FOCAD: variants seen among roughly 807,000 people sequenced by gnomAD.
FOCAD encodes the protein focadhesin, also known as KIAA1797.
A neutral mutation model predicts 225.6 loss-of-function variants in FOCAD; 198 were observed. That is an observed-to-expected ratio of 0.88 (90% confidence interval 0.78 to 0.99). The LOEUF is 0.99. Ranked by LOEUF, FOCAD falls within the 50% of genes least tolerant of loss-of-function variation. FOCAD has a pLI of 0.00. For synonymous variants in FOCAD, 897 were observed against 755.0 expected (o/e 1.19, Z -3.08); for missense variants, 2,713 against 2,123.6 (o/e 1.28, Z -5.46).
intron 18 of FOCAD, among the ~76,000 whole-genome samples, chr9:20,871,571 T>A (rs539185920): frequency 5.9e-5 from 9 of 151,464 alleles, no homozygotes; most frequent in Admixed American, 5.9e-4. Context: ...ATAATTCTTT[T>A]AAGAAGTGAC....
intron 12 of FOCAD, 41 bp from the exon 13 acceptor site, chr9:20,820,283 A>G (rs752435022): frequency 1.1e-5 from 17 of 1,479,606 alleles, no homozygotes; most frequent in Non-Finnish European, 1.6e-5. Context: ...GGTTGTCTGC[A>G]TTCAAGTTTA....
At chr9:20,909,901 G>T (rs1163469971) in intron 22 of FOCAD, among the ~76,000 whole-genome samples, 1 of 152,020 alleles carries the variant, frequency 6.6e-6, no homozygotes, top group Non-Finnish European at 1.5e-5. Flanking sequence ...ACTTCCATCT[G>T]GTGCTAGATG....
intron 10 of FOCAD, chr9:20,786,925 T>C (rs1343484042): frequency 4.7e-6 from 2 of 422,034 alleles, no homozygotes; most frequent in Non-Finnish European, 9.4e-6. Context: ...AAGCAAAGCT[T>C]ACTAGCATTT....
chr9:20,819,870 G>A lies in FOCAD; in HGVS notation c.1530G>A (p.Leu510=). ...AACCTATATTATATAATGATATATTGTATACTTTACCTAAGCTTGGTGTTC... is the reference window on the plus strand; with the variant it reads ...AACCTATATTATATAATGATATATTATATACTTTACCTAAGCTTGGTGTTC... ...PLEPILYNDI[L]YTLPKLGVHK... The change falls in exon 12 of 44, where the codon TTG becomes TTA. Residue 510 remains leucine, a synonymous_variant. Coordinates refer to ENST00000338382, the MANE Select transcript of FOCAD (RefSeq NM_001375567.1). 3.2e-6 allele frequency: 5 copies of A among 1,546,824 alleles called. No individual in the cohort carries two copies. The highest frequency in any genetic ancestry group is 4.4e-6 in the Non-Finnish European group (5 of 1,148,510).
intron 2 of FOCAD, among the ~76,000 whole-genome samples, chr9:20,661,921 A>G (rs1821739990): frequency 6.6e-6 from 1 of 152,216 alleles, no homozygotes; most frequent in African/African-American, 2.4e-5. Flanking sequence ...AAAAGAAAGA[A>G]TGAGGAAATT....
chr9:20,942,110 A>C (rs966490085), intron 28 of FOCAD, among the ~76,000 whole-genome samples: 3 of 152,250 alleles, frequency 2.0e-5, no homozygotes, highest in Non-Finnish European at 4.4e-5. Context: ...ATGCCATAGC[A>C]TGTATATACA....
intron 2 of FOCAD, among the ~76,000 whole-genome samples, chr9:20,675,647 A>G (rs1822210330): frequency 6.6e-6 from 1 of 152,228 alleles, no homozygotes; most frequent in African/African-American, 2.4e-5. Flanking sequence ...TTGTTGGCCA[A>G]GCAAAGAAAG....
intron 33 of FOCAD, among the ~76,000 whole-genome samples, chr9:20,950,118 GT>G (rs1837556313): frequency 6.6e-6 from 1 of 151,092 alleles, no homozygotes; most frequent in Non-Finnish European, 1.5e-5. Context: ...CCTAAGAAAT[GT>G]TTTTTTGTTT....
At position 20,943,029 on chromosome 9, in the gene FOCAD, G is replaced by C. The variant is rs1248330427; in HGVS notation, c.3408-1598G>C. On this transcript the variant is annotated intron_variant, in intron 28 of 43. Coordinates refer to ENST00000338382, the MANE Select transcript of FOCAD (RefSeq NM_001375567.1). ...CAAATTTTGTCTAATTATATCTTTG[G>C]TCTAATTCTGTCAAATTGTTATATG... Among the ~76,000 whole-genome samples, 5 of 152,160 alleles carry C rather than the reference G, an allele frequency of 3.3e-5. No individual in the cohort carries two copies. In the East Asian group the frequency reaches 9.6e-4, roughly 29 times the overall value.
intron 27 of FOCAD, among the ~76,000 whole-genome samples, chr9:20,930,897 C>T (rs1032006974): frequency 6.6e-6 from 1 of 152,178 alleles, no homozygotes; most frequent in African/African-American, 2.4e-5. Flanking sequence ...AGACTTAAAA[C>T]TTGAAAGTGA....
chr9:20,850,208 TAGC>T (rs1395388813), intron 15 of FOCAD, among the ~76,000 whole-genome samples: 1 of 151,760 alleles, frequency 6.6e-6, no homozygotes, highest in Non-Finnish European at 1.5e-5. Flanking sequence ...AGGTGACCAA[TAGC>T]AGACTCTGAA....
intron 1 of FOCAD, among the ~76,000 whole-genome samples, chr9:20,698,723 G>A (rs1357634962): frequency 6.6e-6 from 1 of 152,072 alleles, no homozygotes; most frequent in Admixed American, 6.5e-5. Flanking sequence ...AATTTCTCAA[G>A]TGTTTTTTAT....
At chr9:20,875,044 G>C in intron 19 of FOCAD, 1 of 463,310 alleles carries the variant, frequency 2.2e-6, no homozygotes, top group Non-Finnish European at 3.8e-6. Flanking sequence ...GTAAACAATT[G>C]TGTTCACTGA....
At chr9:20,897,501 A>AT (rs1357907185) in intron 21 of FOCAD, among the ~76,000 whole-genome samples, 1 of 145,874 alleles carries the variant, frequency 6.9e-6, no homozygotes, top group African/African-American at 2.5e-5. Context: ...ATTTTGTATG[A>AT]TTTTTTCTCT....
chr9:20,899,050 T>C (rs149616514), intron 21 of FOCAD, among the ~76,000 whole-genome samples: 12 of 152,086 alleles, frequency 7.9e-5, no homozygotes, highest in East Asian at 1.9e-4. Flanking sequence ...CTAGAGGATC[T>C]TGGAGATGGG....
intron 4 of FOCAD, 32 bp from the exon 5 acceptor site, chr9:20,740,204 T>G (rs1239074039): frequency 7.5e-7 from 1 of 1,326,860 alleles, no homozygotes; most frequent in South Asian, 1.2e-5. Context: ...ACTTTTTATC[T>G]ATAACATTTA....
intron 11 of FOCAD, among the ~76,000 whole-genome samples, chr9:20,813,202 T>A (rs1823275386): frequency 6.6e-6 from 1 of 152,152 alleles, no homozygotes; most frequent in South Asian, 2.1e-4. Flanking sequence ...TTTTTCTTTT[T>A]AAAGACTAAA....
chr9:20,777,610 C>T (rs941585020), intron 8 of FOCAD, among the ~76,000 whole-genome samples: 4 of 151,768 alleles, frequency 2.6e-5, no homozygotes, highest in East Asian at 1.9e-4. Flanking sequence ...TACGGTAATT[C>T]GAAAATAATC....
intron 4 of FOCAD, among the ~76,000 whole-genome samples, chr9:20,722,787 G>A (rs1417271714): frequency 6.6e-6 from 1 of 152,116 alleles, no homozygotes; most frequent in Non-Finnish European, 1.5e-5. Flanking sequence ...TCTTGTGCAA[G>A]CCACCTAGAT....
Sources: gnomAD v4.1 joint callset for allele counts (sites outside exome capture counted in the v4.1 genomes callset) on GRCh38, gnomAD v4.1.1 for gene constraint, MANE v1.5 for transcripts, NCBI Gene and HGNC (gene_info 2026-07-23, HGNC 2026-07-21) for gene names.